The following KLF12 variants were observed in gnomAD, a reference collection of about 807,000 sequenced individuals.
The protein encoded by KLF12 is KLF transcription factor 12.
In KLF12, 9 loss-of-function variants were observed where a neutral mutation model predicts 37.8. The ratio of observed to expected loss-of-function variants is 0.24; its 90% CI spans 0.14 to 0.42. KLF12 has a LOEUF of 0.42. KLF12 is among the 10% of genes least tolerant of loss of function. The pLI is 1.00. For missense variants in KLF12, 411 were observed against 516.0 expected, an observed-to-expected ratio of 0.80 and a Z score of 1.97; for synonymous variants, 208 against 202.1, an observed-to-expected ratio of 1.03 and a Z score of -0.25.
At chr13:74,034,833 A>C (rs1893207844) in intron 1 of KLF12, among the ~76,000 whole-genome samples, 1 of 152,252 alleles carries the variant, frequency 6.6e-6, no homozygotes, top group East Asian at 1.9e-4. Flanking sequence ...TAAGCTTCCA[A>C]GGTAGAATAC....
intron 3 of KLF12, among the ~76,000 whole-genome samples, chr13:73,874,130 T>G (rs1323590583): frequency 6.6e-6 from 1 of 152,224 alleles, no homozygotes; most frequent in Non-Finnish European, 1.5e-5. Context: ...AAGTAGCAGT[T>G]CTGAATTTTT....
intron 5 of KLF12, among the ~76,000 whole-genome samples, chr13:73,805,448 T>G (rs1411410547): frequency 2.0e-5 from 3 of 151,970 alleles, no homozygotes; most frequent in Non-Finnish European, 4.4e-5. Context: ...GGCAAAATTC[T>G]GTCTACTAAA....
intron 1 of KLF12, among the ~76,000 whole-genome samples, chr13:74,013,008 G>T (rs1892589095): frequency 6.6e-6 from 1 of 152,182 alleles, no homozygotes; most frequent in Admixed American, 6.5e-5. Flanking sequence ...GACATAGAAA[G>T]AATACCCGCC....
chr13:73,848,222 T>C (rs1197381311), intron 3 of KLF12, among the ~76,000 whole-genome samples: 1 of 152,124 alleles, frequency 6.6e-6, no homozygotes, highest in Non-Finnish European at 1.5e-5. Context: ...TACATACATT[T>C]ACAAATCAAG....
chr13:74,184,767 CA>C, the KLF12 span, among the ~76,000 whole-genome samples: 2 of 152,114 alleles, frequency 1.3e-5, no homozygotes, highest in African/African-American at 4.8e-5. Context: ...ATACAATAAC[CA>C]ACAGAATTCT....
intron 7 of KLF12, among the ~76,000 whole-genome samples, chr13:73,710,100 C>T (rs1317479178): frequency 6.6e-6 from 1 of 152,110 alleles, no homozygotes; most frequent in Non-Finnish European, 1.5e-5. Flanking sequence ...TCCTGTATTT[C>T]CAGCCTGTGC....
At chr13:74,193,391 C>A in the KLF12 span, among the ~76,000 whole-genome samples, 4,074 of 152,256 alleles carry the variant, frequency 0.027, 85 homozygotes, top group Middle Eastern at 0.075. Flanking sequence ...TATTATTACC[C>A]TTTCTTTACA....
chr13:73,715,286 G>A (rs1566314309), intron 7 of KLF12, 82 bp downstream of exon 7: 8 of 1,226,150 alleles, frequency 6.5e-6, no homozygotes, highest in South Asian at 1.4e-5. Flanking sequence ...GGATGAATGA[G>A]TACGAAAGGC....
intron 5 of KLF12, among the ~76,000 whole-genome samples, chr13:73,774,739 G>T (rs915443618): frequency 6.6e-6 from 1 of 152,010 alleles, no homozygotes; most frequent in African/African-American, 2.4e-5. Flanking sequence ...CCAGGGCTTT[G>T]CTGGGATAAT....
chr13:73,753,157 G>A lies in KLF12; in HGVS notation c.869+11781C>T, dbSNP rs145092413. Among the ~76,000 whole-genome samples, 859 of 152,024 alleles carry A rather than the reference G, an allele frequency of 5.7e-3. 8 individuals are homozygous for A. The highest frequency in any genetic ancestry group is 9.9e-3 in the Non-Finnish European group (675 of 67,966). On this transcript the variant is annotated intron_variant, in intron 6 of 7. Coordinates refer to ENST00000377669, the MANE Select transcript of KLF12 (RefSeq NM_007249.5). The stretch of plus-strand genomic sequence containing the variant: ...CTGCTCAAAGTCATCCGCGGTCCCC[G>A]TCCCACCCAGACTGCGGACTACATG...
the KLF12 span, chr13:74,258,336 G>A: frequency 6.6e-6 from 1 of 152,168 alleles, no homozygotes; most frequent in East Asian, 1.9e-4. Flanking sequence ...CCAGCTGTGT[G>A]ACTTTGCTGA....
chr13:74,162,555 G>A, the KLF12 span, among the ~76,000 whole-genome samples: 3 of 152,062 alleles, frequency 2.0e-5, no homozygotes, highest in African/African-American at 7.2e-5. Context: ...AAATAATATG[G>A]CTCTGAAATA....
chr13:74,078,710 T>G (rs1874708491), intron 1 of KLF12, among the ~76,000 whole-genome samples: 1 of 152,128 alleles, frequency 6.6e-6, no homozygotes, highest in African/African-American at 2.4e-5. Context: ...TCATTCAGAG[T>G]AATGATTCAA....
chr13:74,141,115 T>C, the KLF12 span, among the ~76,000 whole-genome samples: 1 of 151,732 alleles, frequency 6.6e-6, no homozygotes. Context: ...CTCAGGGGTA[T>C]AGAATTGGAC....
intron 1 of KLF12, among the ~76,000 whole-genome samples, chr13:74,050,081 A>G (rs1536029): frequency 0.98 from 148,468 of 152,182 alleles, 72,544 homozygotes; most frequent in East Asian, 1. Context: ...AAAACAGGCC[A>G]CATAAAGGCA....
At chr13:73,879,474 A>T (rs1263682484) in intron 3 of KLF12, among the ~76,000 whole-genome samples, 4 of 152,258 alleles carry the variant, frequency 2.6e-5, no homozygotes, top group Non-Finnish European at 5.9e-5. Context: ...ACTGCTTTAT[A>T]TAACTCTAAG....
the KLF12 span, among the ~76,000 whole-genome samples, chr13:74,158,171 G>T: frequency 3.3e-5 from 5 of 152,194 alleles, no homozygotes; most frequent in African/African-American, 4.8e-5. Context: ...AGGCCCTGTG[G>T]GTGGTCCGCA....
At chr13:74,212,554 G>A in the KLF12 span, among the ~76,000 whole-genome samples, 3 of 152,180 alleles carry the variant, frequency 2.0e-5, no homozygotes, top group Non-Finnish European at 4.4e-5. Flanking sequence ...CAGTCTAACA[G>A]CAATTAAGTA....
intron 3 of KLF12, among the ~76,000 whole-genome samples, chr13:73,868,607 T>C (rs1261216084): frequency 1.3e-5 from 2 of 151,856 alleles, no homozygotes; most frequent in Non-Finnish European, 2.9e-5. Context: ...GCCAGGCTGG[T>C]CTCTCGAACT....
Sources: gnomAD v4.1 joint callset for allele counts (sites outside exome capture counted in the v4.1 genomes callset) on GRCh38, gnomAD v4.1.1 for gene constraint, MANE v1.5 for transcripts, NCBI Gene and HGNC (gene_info 2026-07-23, HGNC 2026-07-21) for gene names.